NDUFAF8: variants seen among roughly 807,000 people sequenced by gnomAD.
NDUFAF8 encodes NADH dehydrogenase [ubiquinone] 1 alpha subcomplex assembly factor 8.
NDUFAF8 carries 9 observed loss-of-function variants against 9.9 expected under a neutral mutation model. That is an observed-to-expected ratio of 0.91 (90% CI 0.55 to 1.59). The LOEUF (loss-of-function observed/expected upper bound fraction) is 1.59, where lower values mean the gene tolerates loss of function less well. Ranked by LOEUF, NDUFAF8 falls within the 40% of genes most tolerant of loss-of-function variation. NDUFAF8 has a pLI of 0.00. For missense variants in NDUFAF8, 114 were observed against 113.8 expected (o/e 1.00, Z -0.01); for synonymous variants, 63 against 51.2 (o/e 1.23, Z -0.98).
At chr17:81,239,766 T>C (rs922575150) in intron 2 of NDUFAF8, 88 bp downstream of exon 2, 17 of 1,372,844 alleles carry the variant, frequency 1.2e-5, no homozygotes, top group Middle Eastern at 3.9e-4. Flanking sequence ...TTCCCGTTGG[T>C]TCAAGGTTTG....
At chr17:81,239,521 G>C in intron 1 of NDUFAF8, 47 bp from the exon 2 acceptor site, 1 of 1,462,804 alleles carries the variant, frequency 6.8e-7, no homozygotes, top group South Asian at 1.3e-5. Flanking sequence ...AGGGAGGACG[G>C]TGACGGGGTC....
At position 81,241,194 on chromosome 17, in the gene NDUFAF8, G is replaced by A. The variant is rs1380028676; in HGVS notation, c.*178G>A. The A allele has an allele frequency of 1.4e-6, 2 of 1,383,264 alleles. No homozygotes were observed. Among genetic ancestry groups the A allele is most frequent in the South Asian group, 1.7e-5 (1 of 57,304 alleles). The allele number at this position is 1,383,264 out of a possible 1,614,324, so 85.7% of individuals were successfully genotyped here. ...AACAAGTTGAGGCGTGGGTAGAGCA[G>A]GAATTGGTTTTCCAGCATTGTGTCC... On this transcript the variant is annotated 3_prime_UTR_variant, in exon 3 of 3. Transcript: ENST00000431388.
At chr17:81,239,980 C>T (rs1181216791) in intron 2 of NDUFAF8, 1 of 457,712 alleles carries the variant, frequency 2.2e-6, no homozygotes, top group Non-Finnish European at 4.0e-6. Context: ...CGGGGGGTGT[C>T]ATGCCAGGAT....
chr17:81,239,960 G>T, intron 2 of NDUFAF8: 1 of 503,730 alleles, frequency 2.0e-6, no homozygotes, highest in Non-Finnish European at 3.6e-6. Context: ...TTTCGTGTTA[G>T]CACTGCCGCC....
intron 1 of NDUFAF8, 27 bp downstream of exon 1, chr17:81,239,474 T>G (rs1228527161): frequency 5.0e-6 from 7 of 1,401,942 alleles, no homozygotes; most frequent in Admixed American, 6.5e-5. Flanking sequence ...GGGCCAGTGC[T>G]GCGGGGCAGG....
At chr17:81,239,878 A>G in intron 2 of NDUFAF8, 200 bp downstream of exon 2, 1 of 638,538 alleles carries the variant, frequency 1.6e-6, no homozygotes, top group Non-Finnish European at 2.7e-6. Context: ...CATGTTTGTA[A>G]AGCGGGACTG....
chr17:81,241,151 T>G lies in NDUFAF8; in HGVS notation c.*135T>G, dbSNP rs746676007. 1 of 1,412,604 alleles carries G rather than the reference T, an allele frequency of 7.1e-7. No individual in the cohort carries two copies. 87.5% of individuals were successfully genotyped at this position (1,412,604 alleles called of 1,614,324 possible). On this transcript the variant is annotated 3_prime_UTR_variant, in exon 3 of 3. Transcript: ENST00000431388. ...GCGAAGATGTGACATTCCTCGGTGT[T>G]AGATCCTGTTTTTTCTTAACAAGTT... is the stretch of plus-strand genomic sequence containing the variant.
In NDUFAF8 at chr17:81,239,613, G is replaced by C; in HGVS notation, c.130G>C (p.Gly44Arg). 6.5e-7 allele frequency: 1 copy of C among 1,539,376 alleles called. No homozygotes were observed. The highest frequency in any genetic ancestry group is 8.7e-7 in the Non-Finnish European group (1 of 1,146,338). The change falls in exon 2 of 3, where the codon GGC becomes CGC. Residue 44 changes from glycine (G) to arginine (R), a missense_variant. Coordinates refer to ENST00000431388, the MANE Select transcript of NDUFAF8 (RefSeq NM_001086521.2). Reference sequence around the variant, plus strand: ...CGTGCAGGCCTCCACGGCCCCGGGCGGCCGCCTGAGTAAGGACTTCTGCGC... The same window carrying C: ...CGTGCAGGCCTCCACGGCCCCGGGCCGCCGCCTGAGTAAGGACTTCTGCGC... ...RCVQASTAPG[G>R]RLSKDFCARE...
Position 81,241,094 on chromosome 17 carries a change from C to T in NDUFAF8, c.*78C>T, listed in dbSNP as rs113490148. On this transcript the variant is annotated 3_prime_UTR_variant, in exon 3 of 3. Coordinates refer to ENST00000431388, the MANE Select transcript of NDUFAF8 (RefSeq NM_001086521.2). The stretch of plus-strand genomic sequence containing the variant: ...CCTGATGGCCCCTGGTGGCACATAT[C>T]GAATGCCTAGGGCAGAAAGGAAGTG... The T allele has an allele frequency of 9.7e-6, 15 of 1,545,264 alleles. No homozygotes were observed. Among genetic ancestry groups the T allele is most frequent in the Non-Finnish European group, 1.3e-5 (15 of 1,142,870 alleles).
intron 2 of NDUFAF8, among the ~76,000 whole-genome samples, chr17:81,240,736 CG>C (rs2062810238): frequency 1.3e-5 from 2 of 151,142 alleles, no homozygotes; most frequent in Admixed American, 1.3e-4. Context: ...TGTGGCATCT[CG>C]TGGGGGCTCA....
At position 81,241,265 on chromosome 17, in the gene NDUFAF8, C is replaced by A; in HGVS notation, c.*249C>A. 8.5e-7 allele frequency: 1 copy of A among 1,173,752 alleles called. No homozygotes were observed. Among genetic ancestry groups the A allele is most frequent in the Non-Finnish European group, 1.1e-6 (1 of 902,568 alleles). 72.7% of individuals were successfully genotyped at this position (1,173,752 alleles called of 1,614,324 possible). A position where few individuals can be genotyped will look rare whatever the true frequency, so the allele number is the denominator to read the frequency against. On this transcript the variant is annotated 3_prime_UTR_variant, in exon 3 of 3. Coordinates refer to ENST00000431388, the MANE Select transcript of NDUFAF8 (RefSeq NM_001086521.2). ...GATGTAACGGAAGCCACGATAAAGA[C>A]TCGGTCAAATCCTGCAGCCTGGGGC...
At chr17:81,240,950 G>T (rs942667899) in intron 2 of NDUFAF8, 37 bp from the exon 3 acceptor site, 7 of 1,609,480 alleles carry the variant, frequency 4.3e-6, no homozygotes, top group Non-Finnish European at 5.9e-6. Flanking sequence ...ATCTAACTTG[G>T]AAGCAAGCCA....
rs778581463 is a variant in NDUFAF8, at chr17:81,239,322, G to A, written c.-42G>A. ...AGCTGTTTGACACCGGAAGAGGACG[G>A]ACCTAAGATGGCGGCCTCCAGGGGG... On this transcript the variant is annotated 5_prime_UTR_variant, in exon 1 of 3. Coordinates refer to ENST00000431388, the MANE Select transcript of NDUFAF8 (RefSeq NM_001086521.2). 2.2e-5 allele frequency: 30 copies of A among 1,366,384 alleles called. 3 individuals are homozygous for A. In the South Asian group the frequency reaches 5.3e-4, roughly 24 times the overall value. 84.6% of individuals were successfully genotyped at this position (1,366,384 alleles called of 1,614,324 possible). A position where few individuals can be genotyped will look rare whatever the true frequency, so the allele number is the denominator to read the frequency against.
At position 81,239,325 on chromosome 17, in the gene NDUFAF8, C is replaced by G. The variant is rs745674132; in HGVS notation, c.-39C>G. The G allele has an allele frequency of 1.0e-4, 140 of 1,367,604 alleles. No individual in the cohort carries two copies. Among genetic ancestry groups the G allele is most frequent in the Admixed American group, 6.5e-4 (16 of 24,754 alleles). 84.7% of individuals were successfully genotyped at this position (1,367,604 alleles called of 1,614,324 possible). A position where few individuals can be genotyped will look rare whatever the true frequency, so the allele number is the denominator to read the frequency against. ...TGTTTGACACCGGAAGAGGACGGACCTAAGATGGCGGCCTCCAGGGGGCTG... is the reference window on the plus strand; with the variant it reads ...TGTTTGACACCGGAAGAGGACGGACGTAAGATGGCGGCCTCCAGGGGGCTG... On this transcript the variant is annotated 5_prime_UTR_variant, in exon 1 of 3. Coordinates refer to ENST00000431388, the MANE Select transcript of NDUFAF8 (RefSeq NM_001086521.2).
chr17:81,240,940 A>C, intron 2 of NDUFAF8, 47 bp from the exon 3 acceptor site: 1 of 1,605,252 alleles, frequency 6.2e-7, no homozygotes, highest in Non-Finnish European at 8.5e-7. Context: ...TTTGAGGCGT[A>C]TCTAACTTGG....
rs2062787961 is a variant in NDUFAF8 at position 81,239,370 on chromosome 17, G to A, written c.7G>A (p.Ala3Thr). MSANGAVWGRVRS... is the reference protein window; with the variant it reads MSTNGAVWGRVRS... Reference sequence around the variant, plus strand: ...GGGCTGGGAATAGCCGCTCATGTCGGCTAACGGAGCGGTGTGGGGCCGCGT... The same window carrying A: ...GGGCTGGGAATAGCCGCTCATGTCGACTAACGGAGCGGTGTGGGGCCGCGT... Residue 3 changes from alanine to threonine, a missense_variant, in exon 1 of 3, where the codon GCT (alanine) becomes ACT (threonine). By Grantham distance (58) the Ala-to-Thr change is moderately conservative. Transcript: ENST00000431388. The A allele has an allele frequency of 4.4e-6, 6 of 1,365,362 alleles. No individual in the cohort carries two copies. Among genetic ancestry groups the A allele is most frequent in the Non-Finnish European group, 5.7e-6 (6 of 1,058,386 alleles). The allele number at this position is 1,365,362 out of a possible 1,614,324, so 84.6% of individuals were successfully genotyped here.
rs1200122158 is a variant in NDUFAF8, at chr17:81,240,971, A to T, written c.196-16A>T. On this transcript the variant is annotated splice_polypyrimidine_tract_variant and intron_variant, in intron 2 of 2. Transcript: ENST00000431388. ...CTTGGAAGCAAGCCATTCAGACAAA[A>T]CACTTTATCTTGCAGGCCAAGAAGA... 6.2e-7 allele frequency: 1 copy of T among 1,612,808 alleles called. No individual in the cohort carries two copies.
intron 2 of NDUFAF8, 38 bp from the exon 3 acceptor site, chr17:81,240,949 G>T: frequency 6.2e-7 from 1 of 1,609,250 alleles, no homozygotes; most frequent in East Asian, 2.2e-5. Context: ...TATCTAACTT[G>T]GAAGCAAGCC....
intron 2 of NDUFAF8, 124 bp downstream of exon 2, chr17:81,239,802 C>T: frequency 9.4e-7 from 1 of 1,065,412 alleles, no homozygotes; most frequent in South Asian, 1.5e-5. Flanking sequence ...CTTTAGACGC[C>T]GGCTGACAAA....
Sources: allele counts gnomAD v4.1 joint callset (sites outside exome capture counted in the v4.1 genomes callset), GRCh38; gene constraint gnomAD v4.1.1; transcripts MANE v1.5; gene names NCBI Gene and HGNC (gene_info 2026-07-23, HGNC 2026-07-21).